NHS: variants seen among roughly 807,000 people sequenced by gnomAD.
NHS encodes NHS actin remodeling regulator.
A neutral mutation model predicts 72.5 loss-of-function variants in NHS; 5 were observed. The observed-to-expected ratio is 0.07, with a 90% confidence interval of 0.04 to 0.14. NHS has a LOEUF of 0.14. Ranked by LOEUF, NHS falls within the 10% of genes least tolerant of loss-of-function variation. NHS has a pLI of 1.00. For missense variants in NHS, 1,072 were observed against 1,355.7 expected, an observed-to-expected ratio of 0.79 and a Z score of 3.29; for synonymous variants, 464 against 547.7, an observed-to-expected ratio of 0.85 and a Z score of 2.13.
intron 1 of NHS, among the ~76,000 whole-genome samples, chrX:17,376,651 C>T (rs1313784622): frequency 1.8e-5 from 2 of 112,573 alleles, no homozygotes; most frequent in Non-Finnish European, 3.8e-5. Context: ...GTCTGTCCTT[C>T]ACCACCGGGG....
chrX:17,494,435 A>T (rs1163511102), intron 1 of NHS, among the ~76,000 whole-genome samples: 1 of 111,972 alleles, frequency 8.9e-6, no homozygotes, highest in Admixed American at 9.5e-5. Context: ...TGAAGGAATG[A>T]CATTTGTTCA....
intron 1 of NHS, chrX:17,586,024 G>T (rs1459290516): frequency 9.0e-6 from 1 of 110,783 alleles, no homozygotes; most frequent in African/African-American, 3.3e-5. Context: ...AACCAGGAGT[G>T]TATTTGTTAT....
chrX:17,597,774 A>G (rs1469271866), intron 1 of NHS, among the ~76,000 whole-genome samples: 1 of 110,544 alleles, frequency 9.0e-6, no homozygotes, highest in Non-Finnish European at 1.9e-5. Context: ...CAGGGAGAGG[A>G]AGAGTGGGTC....
intron 1 of NHS, among the ~76,000 whole-genome samples, chrX:17,527,584 G>A (rs1480761410): frequency 8.9e-6 from 1 of 112,356 alleles, no homozygotes; most frequent in East Asian, 2.8e-4. Flanking sequence ...CAAATCCCAA[G>A]TTGTTTGTAT....
chrX:17,483,802 G>A lies in NHS; in HGVS notation c.565+107480G>A, dbSNP rs763933960. Among the ~76,000 whole-genome samples, 3 of 110,442 alleles carry A rather than the reference G, an allele frequency of 2.7e-5. No homozygotes were observed. The South Asian group carries it at 1.2e-3, about 43-fold the overall frequency. On this transcript the variant is annotated intron_variant, in intron 1 of 8. Transcript: ENST00000676302. ...TCCTGAGCCACATTTCCCCCTGAGAGACATTGGCATAAGAGATGCCCAGGG... is the reference window on the plus strand; with the variant it reads ...TCCTGAGCCACATTTCCCCCTGAGAAACATTGGCATAAGAGATGCCCAGGG...
intron 1 of NHS, among the ~76,000 whole-genome samples, chrX:17,570,267 G>C (rs1259570475): frequency 8.9e-6 from 1 of 112,067 alleles, no homozygotes; most frequent in Non-Finnish European, 1.9e-5. Flanking sequence ...GAGCAGTAAG[G>C]CCGTTTTCAC....
chrX:17,450,678 C>T (rs191401668), intron 1 of NHS, among the ~76,000 whole-genome samples: 25 of 112,211 alleles, frequency 2.2e-4, no homozygotes, highest in African/African-American at 6.5e-5. Flanking sequence ...GAGTTCGAGA[C>T]GAGCCTGGCC....
At chrX:17,446,633 G>C (rs2064782161) in intron 1 of NHS, among the ~76,000 whole-genome samples, 1 of 104,745 alleles carries the variant, frequency 9.5e-6, no homozygotes, top group African/African-American at 3.6e-5. Context: ...CTGCACCCAG[G>C]TGAAATAAAC....
intron 1 of NHS, among the ~76,000 whole-genome samples, chrX:17,608,723 T>C (rs1282562542): frequency 9.0e-6 from 1 of 110,860 alleles, no homozygotes; most frequent in Non-Finnish European, 1.9e-5. Flanking sequence ...GAAGCCCTTG[T>C]CGCTACAAAG....
At position 17,735,618 on chromosome X, in the gene NHS, G is replaced by C. The variant is rs901543386; in HGVS notation, c.*3154G>C. 17 of 112,507 alleles carry C rather than the reference G, an allele frequency of 1.5e-4. 1 individual carries two copies. Among genetic ancestry groups the C allele is most frequent in the Non-Finnish European group, 3.8e-5 (2 of 53,281 alleles). 9.3% of individuals were successfully genotyped at this position (112,507 alleles called of 1,213,427 possible). A position where few individuals can be genotyped will look rare whatever the true frequency, so the allele number is the denominator to read the frequency against. On this transcript the variant is annotated 3_prime_UTR_variant, in exon 9 of 9. Coordinates refer to ENST00000676302, the MANE Select transcript of NHS (RefSeq NM_001291867.2). ...ATTTGCTGCAGTGGTGGCACGTAGA[G>C]AACTAGATGGTAATAAAGATTTAAA...
In NHS at chrX:17,375,249, C is replaced by G. The variant is rs1353749201; in HGVS notation, c.-509C>G. 8.9e-6 allele frequency among the ~76,000 whole-genome samples: 1 copy of G among 112,233 alleles called. No individual in the cohort carries two copies. On this transcript the variant is annotated 5_prime_UTR_variant, in exon 1 of 9. Coordinates refer to ENST00000676302, the MANE Select transcript of NHS (RefSeq NM_001291867.2). ...CCCGCCCAGCCAGGGAGAGAGATCC[C>G]GGGCGCAATCGCTCCCCGGAGCGGC...
chrX:17,712,908 A>T (rs781607541), intron 3 of NHS, among the ~76,000 whole-genome samples: 1 of 111,618 alleles, frequency 9.0e-6, no homozygotes, highest in Non-Finnish European at 1.9e-5. Context: ...AGAAGCCTTA[A>T]AACAGAGAAA....
chrX:17,706,908 C>T (rs909173488), intron 3 of NHS, among the ~76,000 whole-genome samples: 26 of 111,982 alleles, frequency 2.3e-4, no homozygotes, highest in African/African-American at 7.5e-4. Context: ...TCTTCTCTTT[C>T]GCAAGCCTAA....
At chrX:17,643,165 G>A (rs2065889947) in intron 1 of NHS, among the ~76,000 whole-genome samples, 1 of 112,423 alleles carries the variant, frequency 8.9e-6, no homozygotes, top group Non-Finnish European at 1.9e-5. Context: ...TGAAGAAAAT[G>A]AGGCTTAGAA....
rs746315411 is a variant in NHS at position 17,388,949 on chromosome X, C to T, written c.565+12627C>T. On this transcript the variant is annotated intron_variant, in intron 1 of 8. Coordinates refer to ENST00000676302, the MANE Select transcript of NHS (RefSeq NM_001291867.2). ...TCTGGGGCTAGGCATGCAACTCATACAGAAGGGTACAACATTGAAAAGAAC... is the reference window on the plus strand; with the variant it reads ...TCTGGGGCTAGGCATGCAACTCATATAGAAGGGTACAACATTGAAAAGAAC... Among the ~76,000 whole-genome samples, 4 of 109,984 alleles carry T rather than the reference C, an allele frequency of 3.6e-5. No homozygotes were observed. The South Asian group carries it at 1.6e-3, about 44-fold the overall frequency.
At chrX:17,379,998 T>C (rs1280464010) in intron 1 of NHS, among the ~76,000 whole-genome samples, 1 of 111,556 alleles carries the variant, frequency 9.0e-6, no homozygotes, top group Non-Finnish European at 1.9e-5. Flanking sequence ...GTAGAGACAG[T>C]TTGTGAAGCC....
At position 17,428,952 on chromosome X, in the gene NHS, A is replaced by C; in HGVS notation, c.565+52630A>C. Among the ~76,000 whole-genome samples the C allele has an allele frequency of 2.7e-5, 3 of 111,415 alleles. No homozygotes were observed. The Middle Eastern group carries it at 0.014, about 511-fold the overall frequency. On this transcript the variant is annotated intron_variant, in intron 1 of 8. Coordinates refer to ENST00000676302, the MANE Select transcript of NHS (RefSeq NM_001291867.2). ...TCCTCTTGAATTCCAACTGCAATTA[A>C]ATTTATCAAATATTTATTTAATCCA... is the stretch of plus-strand genomic sequence containing the variant.
chrX:17,672,319 G>C (rs1245498274), intron 1 of NHS, among the ~76,000 whole-genome samples: 1 of 111,790 alleles, frequency 8.9e-6, no homozygotes, highest in African/African-American at 3.3e-5. Flanking sequence ...GACTTCTAAG[G>C]TCTCTGTACT....
intron 1 of NHS, among the ~76,000 whole-genome samples, chrX:17,440,245 C>T (rs1016695265): frequency 1.4e-5 from 1 of 73,056 alleles, no homozygotes; most frequent in African/African-American, 5.9e-5. Context: ...GGCAACCAAG[C>T]AAGACTCAGT....
Sources: gnomAD v4.1 joint callset for allele counts (sites outside exome capture counted in the v4.1 genomes callset) on GRCh38, gnomAD v4.1.1 for gene constraint, MANE v1.5 for transcripts, NCBI Gene and HGNC (gene_info 2026-07-23, HGNC 2026-07-21) for gene names.